The following ADCY1 variants were observed in gnomAD, a reference collection of about 807,000 sequenced individuals.
ADCY1 encodes the protein adenylate cyclase 1.
ADCY1 carries 28 observed loss-of-function variants against 105.4 expected under a neutral mutation model. The ratio of observed to expected loss-of-function variants is 0.27; its 90% CI spans 0.20 to 0.36. The LOEUF is 0.36. ADCY1 is among the 10% of genes least tolerant of loss of function. The probability of loss-of-function intolerance (pLI) is 1.00; values close to 1 mark genes in which losing one functional copy is unlikely to be tolerated. For synonymous variants in ADCY1, 655 were observed against 623.8 expected, an observed-to-expected ratio of 1.05 and a Z score of -0.75; for missense variants, 977 against 1,434.2, an observed-to-expected ratio of 0.68 and a Z score of 5.15.
intron 4 of ADCY1, among the ~76,000 whole-genome samples, chr7:45,632,233 T>C (rs1794277320): frequency 6.6e-6 from 1 of 152,224 alleles, no homozygotes; most frequent in South Asian, 2.1e-4. Context: ...TTATAATGTA[T>C]AGTCTGGAAT....
rs767047453 is a variant in ADCY1, at chr7:45,678,208, C to T, written c.1843C>T (p.Leu615Phe). The T allele has an allele frequency of 1.2e-6, 2 of 1,614,214 alleles. No homozygotes were observed. Among genetic ancestry groups the T allele is most frequent in the Non-Finnish European group, 1.7e-6 (2 of 1,180,038 alleles). The change falls in exon 10 of 20, where the codon CTC (leucine) becomes TTC (phenylalanine). Residue 615 changes from leucine (L) to phenylalanine (F), a missense_variant. Coordinates refer to ENST00000297323, the MANE Select transcript of ADCY1 (RefSeq NM_021116.4). ...CGAGTATTTCACCAGCGCCGTTGTC[C>T]TCACCCTCATCCTGGCTGCCTTATT... ...QDEYFTSAVV[L>F]TLILAALFGL...
At chr7:45,596,155 G>A (rs1308643539) in intron 2 of ADCY1, among the ~76,000 whole-genome samples, 1 of 152,254 alleles carries the variant, frequency 6.6e-6, no homozygotes, top group African/African-American at 2.4e-5. Context: ...AGCATGAAAC[G>A]CCAGTCTCCT....
chr7:45,576,990 AAG>A (rs1326059892), intron 1 of ADCY1, among the ~76,000 whole-genome samples: 3 of 152,200 alleles, frequency 2.0e-5, no homozygotes, highest in Non-Finnish European at 2.9e-5. Context: ...AAGATTAAAA[AAG>A]AGAGAGGGGA....
chr7:45,696,579 T>C (rs1161848544), intron 14 of ADCY1, among the ~76,000 whole-genome samples: 1 of 152,144 alleles, frequency 6.6e-6, no homozygotes, highest in African/African-American at 2.4e-5. Flanking sequence ...TGGCTAGTTG[T>C]TGTGGAAACA....
intron 18 of ADCY1, among the ~76,000 whole-genome samples, chr7:45,709,710 C>T (rs979456207): frequency 2.6e-5 from 4 of 152,288 alleles, no homozygotes; most frequent in South Asian, 2.1e-4. Flanking sequence ...GAAGTGGCTT[C>T]GGTCGAGGCC....
chr7:45,691,730 G>A lies in ADCY1; in HGVS notation c.2454+5057G>A, dbSNP rs181539559. Among the ~76,000 whole-genome samples, 538 of 152,300 alleles carry A rather than the reference G, an allele frequency of 3.5e-3. 1 individual carries two copies. The highest frequency in any genetic ancestry group is 0.018 in the South Asian group (89 of 4,818). ...TTCTCTACCAATAAACGCTTAATTC[G>A]ATGGTAATTCCCATTTTGCAGTTGC... is the stretch of plus-strand genomic sequence containing the variant. On this transcript the variant is annotated intron_variant, in intron 14 of 19. Coordinates refer to ENST00000297323, the MANE Select transcript of ADCY1 (RefSeq NM_021116.4).
rs547704564 is a variant in ADCY1, at chr7:45,718,663, C to T, written c.*4668C>T. ...AGTAGGGGAAATGGAGTTGCTTCAA[C>T]CTTTCTCAGTCCCGGCCCTCACTGC... On this transcript the variant is annotated 3_prime_UTR_variant, in exon 20 of 20. Coordinates refer to ENST00000297323, the MANE Select transcript of ADCY1 (RefSeq NM_021116.4). The T allele has an allele frequency of 6.6e-6, 1 of 152,320 alleles. No individual in the cohort carries two copies. Among genetic ancestry groups the T allele is most frequent in the Non-Finnish European group, 1.5e-5 (1 of 68,126 alleles). 9.4% of individuals were successfully genotyped at this position (152,320 alleles called of 1,614,324 possible).
chr7:45,683,647 T>G (rs1484170621), intron 11 of ADCY1, among the ~76,000 whole-genome samples: 2 of 152,098 alleles, frequency 1.3e-5, no homozygotes, highest in Non-Finnish European at 2.9e-5. Context: ...GCTGATCATA[T>G]ATATTAGCAC....
At chr7:45,648,308 C>G (rs773929915) in intron 4 of ADCY1, among the ~76,000 whole-genome samples, 1 of 152,124 alleles carries the variant, frequency 6.6e-6, no homozygotes, top group Non-Finnish European at 1.5e-5. Context: ...AGGGAGGTGC[C>G]GTGGGAATAA....
chr7:45,593,864 CAT>C (rs900199643), intron 2 of ADCY1, among the ~76,000 whole-genome samples: 8 of 152,308 alleles, frequency 5.3e-5, no homozygotes, highest in Admixed American at 4.6e-4. Flanking sequence ...AAATAGATCA[CAT>C]ATGTATGTTT....
In ADCY1 at chr7:45,629,966, A is replaced by G. The variant is rs537672598; in HGVS notation, c.1020+7223A>G. Among the ~76,000 whole-genome samples the G allele has an allele frequency of 1.1e-4, 17 of 152,286 alleles. No homozygotes were observed. In the South Asian group the frequency reaches 2.9e-3, roughly 26 times the overall value. ...GTCTTTTTAATTTTAGTTTTTTTCT[A>G]ATAGGCATGTGGTGCTATTTTATTG... is the stretch of plus-strand genomic sequence containing the variant. On this transcript the variant is annotated intron_variant, in intron 4 of 19. Transcript: ENST00000297323.
chr7:45,613,564 A>G (rs1368389257), intron 3 of ADCY1, among the ~76,000 whole-genome samples: 1 of 152,176 alleles, frequency 6.6e-6, no homozygotes. Flanking sequence ...TTCATCATAT[A>G]TTACATATAT....
intron 11 of ADCY1, among the ~76,000 whole-genome samples, chr7:45,681,380 A>AGCTC (rs904886788): frequency 5.9e-5 from 9 of 152,116 alleles, no homozygotes; most frequent in African/African-American, 2.2e-4. Flanking sequence ...CCTGGATGCC[A>AGCTC]CTAGCTCCTT....
At chr7:45,654,368 G>T (rs1794887444) in intron 5 of ADCY1, among the ~76,000 whole-genome samples, 1 of 152,234 alleles carries the variant, frequency 6.6e-6, no homozygotes, top group South Asian at 2.1e-4. Context: ...TGCTGGCAGT[G>T]TGTATTTTTG....
intron 4 of ADCY1, among the ~76,000 whole-genome samples, chr7:45,637,468 A>G (rs1794422122): frequency 6.6e-6 from 1 of 151,970 alleles, no homozygotes; most frequent in African/African-American, 2.4e-5. Flanking sequence ...CATACCTGTA[A>G]TCCTAGCACT....
intron 4 of ADCY1, among the ~76,000 whole-genome samples, chr7:45,636,722 G>A (rs185103836): frequency 6.6e-6 from 1 of 152,258 alleles, no homozygotes; most frequent in South Asian, 2.1e-4. Flanking sequence ...TATATTTTTA[G>A]TAGAGAAGGG....
intron 11 of ADCY1, among the ~76,000 whole-genome samples, chr7:45,682,825 C>T (rs1292106514): frequency 2.0e-5 from 3 of 152,084 alleles, no homozygotes; most frequent in East Asian, 1.9e-4. Flanking sequence ...TTATGATACT[C>T]GAGTTAAACT....
Position 45,686,904 on chromosome 7 carries a change from G to A in ADCY1, c.2454+231G>A, listed in dbSNP as rs2471241. On this transcript the variant is annotated intron_variant, in intron 14 of 19. Transcript: ENST00000297323. The surrounding 1 kb of genome is among the most constrained non-coding windows in gnomAD (Gnocchi z 4.3). ...AGAGGACAGTTCAGAAGGTTGTGGG[G>A]TGCATGTTGTGGAGACCTGCCTGAT... is the stretch of plus-strand genomic sequence containing the variant. Among the ~76,000 whole-genome samples the A allele has an allele frequency of 0.58, 88,812 of 151,916 alleles. 26,728 individuals carry two copies. Among genetic ancestry groups the A allele is most frequent in the East Asian group, 0.79 (4,031 of 5,116 alleles).
chr7:45,693,000 G>A (rs564996159), intron 14 of ADCY1, among the ~76,000 whole-genome samples: 1 of 152,234 alleles, frequency 6.6e-6, no homozygotes, highest in Non-Finnish European at 1.5e-5. Flanking sequence ...AAACATTTAT[G>A]TACCTAAAAC....
Sources: allele counts gnomAD v4.1 joint callset (sites outside exome capture counted in the v4.1 genomes callset), GRCh38; gene constraint gnomAD v4.1.1; non-coding constraint Gnocchi (gnomAD v3.1); transcripts MANE v1.5; gene names NCBI Gene and HGNC (gene_info 2026-07-23, HGNC 2026-07-21).